EPHA6: variants seen among roughly 807,000 people sequenced by gnomAD.
EPHA6 encodes ephrin type-A receptor 6.
Under a neutral mutation model 112.0 loss-of-function variants are expected in EPHA6, and 50 were observed. The observed-to-expected ratio is 0.45, with a 90% confidence interval of 0.36 to 0.56. EPHA6 has a LOEUF of 0.56. EPHA6 is among the 20% of genes least tolerant of loss of function. EPHA6 has a pLI of 0.00. For missense variants in EPHA6, 1,280 were observed against 1,417.4 expected (o/e 0.90, Z 1.56); for synonymous variants, 529 against 490.7 (o/e 1.08, Z -1.03).
At chr3:96,899,294 C>G (rs960443733) in intron 2 of EPHA6, among the ~76,000 whole-genome samples, 1 of 152,102 alleles carries the variant, frequency 6.6e-6, no homozygotes, top group African/African-American at 2.4e-5. Context: ...CTTCATACAG[C>G]CTTCTTATAA....
At chr3:97,412,395 T>C (rs960406551) in intron 6 of EPHA6, among the ~76,000 whole-genome samples, 8 of 152,084 alleles carry the variant, frequency 5.3e-5, no homozygotes, top group Non-Finnish European at 7.4e-5. Context: ...GTTGCTTCCA[T>C]ATTCCTAGTC....
chr3:96,914,378 C>T (rs978476443), intron 2 of EPHA6, among the ~76,000 whole-genome samples: 4 of 151,972 alleles, frequency 2.6e-5, no homozygotes, highest in Middle Eastern at 3.4e-3. Context: ...TTTAGACAAC[C>T]GTTAGTAAAT....
chr3:97,274,923 G>A (rs557448494), intron 5 of EPHA6, among the ~76,000 whole-genome samples: 6 of 152,290 alleles, frequency 3.9e-5, no homozygotes, highest in African/African-American at 1.2e-4. Context: ...TATAGCTGAA[G>A]GAGCCGGGGA....
At chr3:97,604,302 T>C (rs974096162) in intron 12 of EPHA6, among the ~76,000 whole-genome samples, 2 of 151,706 alleles carry the variant, frequency 1.3e-5, no homozygotes, top group African/African-American at 4.8e-5. Context: ...ACTTCAACTG[T>C]ACTGTGCTGG....
intron 3 of EPHA6, among the ~76,000 whole-genome samples, chr3:97,211,957 T>A (rs2077888376): frequency 1.3e-5 from 2 of 152,214 alleles, no homozygotes; most frequent in Non-Finnish European, 2.9e-5. Context: ...GAATGTTCAA[T>A]AATTATAAAT....
chr3:97,435,607 A>G (rs915262973), intron 6 of EPHA6, among the ~76,000 whole-genome samples: 1 of 152,176 alleles, frequency 6.6e-6, no homozygotes, highest in Non-Finnish European at 1.5e-5. Context: ...AATAGCATCC[A>G]TTACTCGCTC....
chr3:97,716,908 C>T (rs1576343294), intron 14 of EPHA6, among the ~76,000 whole-genome samples: 1 of 151,996 alleles, frequency 6.6e-6, no homozygotes, highest in African/African-American at 2.4e-5. Flanking sequence ...CCAGTTCATA[C>T]TTTCCATTTA....
intron 11 of EPHA6, among the ~76,000 whole-genome samples, chr3:97,533,195 A>T (rs1324356552): frequency 6.6e-6 from 1 of 152,034 alleles, no homozygotes; most frequent in Non-Finnish European, 1.5e-5. Flanking sequence ...AAATATGACA[A>T]TATTTCTCAT....
At chr3:97,272,830 T>G (rs2079934989) in intron 5 of EPHA6, among the ~76,000 whole-genome samples, 1 of 152,164 alleles carries the variant, frequency 6.6e-6, no homozygotes, top group Admixed American at 6.5e-5. Context: ...TCACAGGGGA[T>G]ATGATGGCTT....
At chr3:97,142,490 G>T (rs926573926) in intron 3 of EPHA6, among the ~76,000 whole-genome samples, 2 of 151,860 alleles carry the variant, frequency 1.3e-5, no homozygotes, top group Admixed American at 1.3e-4. Context: ...TGATAAAAGT[G>T]ACATTACACA....
chr3:97,634,498 T>C (rs1304597508), intron 13 of EPHA6, among the ~76,000 whole-genome samples: 2 of 151,882 alleles, frequency 1.3e-5, no homozygotes, highest in African/African-American at 2.4e-5. Flanking sequence ...CTGGGAAAGA[T>C]TGTAAAAAGA....
intron 6 of EPHA6, among the ~76,000 whole-genome samples, chr3:97,406,241 A>C (rs2087335846): frequency 6.6e-6 from 1 of 152,146 alleles, no homozygotes; most frequent in Non-Finnish European, 1.5e-5. Flanking sequence ...GCTGTAACAG[A>C]ATACCACAGA....
intron 3 of EPHA6, among the ~76,000 whole-genome samples, chr3:97,088,265 G>A (rs1283447409): frequency 6.6e-6 from 1 of 152,090 alleles, no homozygotes; most frequent in Non-Finnish European, 1.5e-5. Context: ...TTAGTAAGCA[G>A]GCTCCCAGGA....
At chr3:97,391,972 T>A (rs757370042) in intron 5 of EPHA6, among the ~76,000 whole-genome samples, 2 of 151,764 alleles carry the variant, frequency 1.3e-5, no homozygotes, top group African/African-American at 4.8e-5. Flanking sequence ...GTAAGCAAAT[T>A]TATAAAATTT....
At chr3:96,998,103 G>A (rs1368381311) in intron 3 of EPHA6, among the ~76,000 whole-genome samples, 1 of 151,446 alleles carries the variant, frequency 6.6e-6, no homozygotes, top group African/African-American at 2.4e-5. Flanking sequence ...ATTCCTGTAG[G>A]GCTATAGGGC....
chr3:97,393,165 A>G (rs541160372), intron 5 of EPHA6, among the ~76,000 whole-genome samples: 1 of 151,884 alleles, frequency 6.6e-6, no homozygotes, highest in Non-Finnish European at 1.5e-5. Context: ...GCCTATGCTA[A>G]ATTCCTAGAA....
At chr3:97,124,445 GATTA>G (rs563169693) in intron 3 of EPHA6, among the ~76,000 whole-genome samples, 8 of 146,282 alleles carry the variant, frequency 5.5e-5, no homozygotes, top group Non-Finnish European at 1.0e-4. Flanking sequence ...TGCCCTGAAT[GATTA>G]GAGAGGCATT....
chr3:96,840,343 A>T (rs2034664929), intron 1 of EPHA6, among the ~76,000 whole-genome samples: 1 of 152,034 alleles, frequency 6.6e-6, no homozygotes, highest in Admixed American at 6.6e-5. Flanking sequence ...ATCTTGATTT[A>T]CTCAGAATTA....
chr3:97,695,433 C>T (rs1296332184), intron 14 of EPHA6, among the ~76,000 whole-genome samples: 10 of 152,200 alleles, frequency 6.6e-5, no homozygotes, highest in Admixed American at 1.3e-4. Flanking sequence ...TTTATTCAAA[C>T]ATTTGACAGT....
Sources: allele counts gnomAD v4.1 joint callset (sites outside exome capture counted in the v4.1 genomes callset), GRCh38; gene constraint gnomAD v4.1.1; transcripts MANE v1.5; gene names NCBI Gene and HGNC (gene_info 2026-07-23, HGNC 2026-07-21).